Variants in KCNH8 observed in about 807,000 individuals in gnomAD.
KCNH8 encodes the protein voltage-gated delayed rectifier potassium channel KCNH8.
Under a neutral mutation model 103.6 loss-of-function variants are expected in KCNH8, and 70 were observed. The ratio of observed to expected loss-of-function variants is 0.68; its 90% CI spans 0.56 to 0.82. The LOEUF (loss-of-function observed/expected upper bound fraction) is 0.82. KCNH8 is among the 40% of genes least tolerant of loss of function. The pLI is 0.00. For missense variants in KCNH8, 1,217 were observed against 1,329.9 expected, an observed-to-expected ratio of 0.92 and a Z score of 1.32; for synonymous variants, 498 against 489.4, an observed-to-expected ratio of 1.02 and a Z score of -0.23.
chr3:19,413,776 T>C (rs2066819860), intron 7 of KCNH8, among the ~76,000 whole-genome samples: 1 of 151,992 alleles, frequency 6.6e-6, no homozygotes, highest in Non-Finnish European at 1.5e-5. Context: ...CCTAGAAAAC[T>C]AATAAAATGC....
chr3:19,274,458 A>C (rs1012369064), intron 2 of KCNH8, among the ~76,000 whole-genome samples: 10 of 152,106 alleles, frequency 6.6e-5, no homozygotes, highest in African/African-American at 2.4e-4. Flanking sequence ...TCGCTGCTGA[A>C]TTTGTGTTTA....
At chr3:19,497,908 A>G (rs1338414522) in intron 11 of KCNH8, among the ~76,000 whole-genome samples, 14 of 132,736 alleles carry the variant, frequency 1.1e-4, no homozygotes, top group Non-Finnish European at 3.3e-5. Flanking sequence ...CTTCTTTATG[A>G]ATCTGGGTGC....
At chr3:19,435,660 CTT>C (rs1369802065) in intron 7 of KCNH8, among the ~76,000 whole-genome samples, 2 of 152,122 alleles carry the variant, frequency 1.3e-5, no homozygotes, top group African/African-American at 2.4e-5. Flanking sequence ...TATTTCTACC[CTT>C]TCTCTCCACA....
chr3:19,406,846 C>T (rs1322476778), intron 7 of KCNH8, among the ~76,000 whole-genome samples: 1 of 152,094 alleles, frequency 6.6e-6, no homozygotes, highest in Non-Finnish European at 1.5e-5. Context: ...AGAGTCTATC[C>T]TGGCCCTACA....
intron 7 of KCNH8, among the ~76,000 whole-genome samples, chr3:19,431,930 A>T (rs1347021582): frequency 2.0e-5 from 3 of 151,344 alleles, no homozygotes; most frequent in Non-Finnish European, 4.4e-5. Flanking sequence ...TATTTTATTA[A>T]TTTTTTCAAA....
chr3:19,363,113 G>A (rs2065967832), intron 5 of KCNH8, among the ~76,000 whole-genome samples: 1 of 152,126 alleles, frequency 6.6e-6, no homozygotes, highest in Non-Finnish European at 1.5e-5. Context: ...ACTTAAAGGA[G>A]CGGAGGCTTT....
intron 1 of KCNH8, among the ~76,000 whole-genome samples, chr3:19,177,990 A>G (rs936733564): frequency 6.6e-6 from 1 of 151,842 alleles, no homozygotes; most frequent in African/African-American, 2.4e-5. Flanking sequence ...TTTTTTTCTT[A>G]ATATTAAAGT....
intron 1 of KCNH8, among the ~76,000 whole-genome samples, chr3:19,231,577 G>A (rs1227570405): frequency 6.6e-6 from 1 of 152,062 alleles, no homozygotes; most frequent in Non-Finnish European, 1.5e-5. Context: ...TGCTGGCTTA[G>A]GTATATAGTG....
intron 11 of KCNH8, among the ~76,000 whole-genome samples, chr3:19,479,118 T>C (rs1419354857): frequency 6.6e-6 from 1 of 152,134 alleles, no homozygotes; most frequent in Non-Finnish European, 1.5e-5. Context: ...ACCTCCTAAG[T>C]GGGTTCCATC....
chr3:19,445,150 G>GAACTACT (rs959029264), intron 8 of KCNH8, among the ~76,000 whole-genome samples: 10 of 151,896 alleles, frequency 6.6e-5, no homozygotes, highest in Non-Finnish European at 1.3e-4. Context: ...AAGAGTAAAT[G>GAACTACT]AACTACTATG....
intron 11 of KCNH8, among the ~76,000 whole-genome samples, chr3:19,464,238 C>A (rs913276680): frequency 1.3e-4 from 20 of 152,184 alleles, no homozygotes; most frequent in Non-Finnish European, 2.5e-4. Flanking sequence ...CAGGCCCACA[C>A]TTTATGGTCA....
At chr3:19,336,458 A>C (rs1040714476) in intron 3 of KCNH8, among the ~76,000 whole-genome samples, 10 of 152,028 alleles carry the variant, frequency 6.6e-5, no homozygotes, top group Middle Eastern at 6.8e-3. Flanking sequence ...ATGTTCCATG[A>C]GCATATGAAA....
intron 3 of KCNH8, among the ~76,000 whole-genome samples, chr3:19,338,930 G>A (rs2125314748): frequency 6.6e-6 from 1 of 152,000 alleles, no homozygotes; most frequent in African/African-American, 2.4e-5. Context: ...TTTATATGTG[G>A]ACATTTGGCT....
chr3:19,169,536 G>A (rs1411514404), intron 1 of KCNH8, among the ~76,000 whole-genome samples: 3 of 152,030 alleles, frequency 2.0e-5, no homozygotes, highest in Non-Finnish European at 4.4e-5. Context: ...GTGAGCCACC[G>A]CGCCCAGCCT....
At chr3:19,348,368 C>T (rs964184886) in intron 5 of KCNH8, among the ~76,000 whole-genome samples, 1 of 144,656 alleles carries the variant, frequency 6.9e-6, no homozygotes, top group African/African-American at 2.4e-5. Context: ...CCCTTCCGTG[C>T]CCTTTCAGCA....
chr3:19,167,012 T>G (rs1222812444), intron 1 of KCNH8, among the ~76,000 whole-genome samples: 5 of 152,214 alleles, frequency 3.3e-5, no homozygotes, highest in Non-Finnish European at 7.3e-5. Context: ...TCCTGCATTA[T>G]TAGGTATTGT....
At chr3:19,342,130 G>A (rs2065668507) in intron 3 of KCNH8, among the ~76,000 whole-genome samples, 1 of 152,038 alleles carries the variant, frequency 6.6e-6, no homozygotes, top group Non-Finnish European at 1.5e-5. Context: ...TGATTTACAA[G>A]TATTTTAATG....
chr3:19,310,451 A>G (rs376362183), intron 3 of KCNH8, among the ~76,000 whole-genome samples: 4 of 151,934 alleles, frequency 2.6e-5, no homozygotes, highest in African/African-American at 9.7e-5. Flanking sequence ...ATAACATATC[A>G]TGAAATGTCA....
chr3:19,260,418 A>G (rs919621688), intron 2 of KCNH8, among the ~76,000 whole-genome samples: 2 of 148,368 alleles, frequency 1.3e-5, no homozygotes, highest in African/African-American at 4.9e-5. Context: ...ACAGATAATT[A>G]CAGTAAGAAA....
Sources: gnomAD v4.1 joint callset for allele counts (sites outside exome capture counted in the v4.1 genomes callset) on GRCh38, gnomAD v4.1.1 for gene constraint, MANE v1.5 for transcripts, NCBI Gene and HGNC (gene_info 2026-07-23, HGNC 2026-07-21) for gene names.